Variants in PFKP observed in about 807,000 individuals in gnomAD.
The protein encoded by PFKP is phosphofructokinase, platelet.
In PFKP, 101 loss-of-function variants were observed where a neutral mutation model predicts 94.3. The ratio of observed to expected loss-of-function variants is 1.07; its 90% CI spans 0.91 to 1.26. The LOEUF is 1.26. Among genes scored for constraint, PFKP ranks in the 50% most tolerant of loss-of-function variants. The pLI is 0.00. For missense variants in PFKP, 1,145 were observed against 1,103.3 expected, an observed-to-expected ratio of 1.04 and a Z score of -0.53; for synonymous variants, 573 against 432.6, an observed-to-expected ratio of 1.32 and a Z score of -4.03.
At chr10:3,120,251 CTG>C (rs1265205110) in intron 16 of PFKP, among the ~76,000 whole-genome samples, 2 of 152,160 alleles carry the variant, frequency 1.3e-5, no homozygotes, top group African/African-American at 4.8e-5. Context: ...ACCTCTTCTT[CTG>C]TGTGGCCACC....
At position 3,103,938 on chromosome 10, in the gene PFKP, C is replaced by T; in HGVS notation, c.614C>T (p.Ala205Val). 6.2e-7 allele frequency: 1 copy of T among 1,613,382 alleles called. No homozygotes were observed. The highest frequency in any genetic ancestry group is 1.1e-5 in the South Asian group (1 of 91,074). ...GTCGTCGACGCCATCATGACCACGG[C>T]CCAGAGGTAAAGCGCTCAGAGGAAC... ...IEVVDAIMTTAQSHQRTFVLE... is the reference protein window; with the variant it reads ...IEVVDAIMTTVQSHQRTFVLE... Residue 205 changes from alanine to valine, a missense_variant, in exon 5 of 22, where the codon GCC (alanine) becomes GTC (valine). Ala to Val is a moderately conservative substitution (Grantham distance 64). Around this residue, in one of 3 missense-constraint regions of PFKP, gnomAD observed 1,119 missense variants for 1,062.8 expected, o/e 1.05. Coordinates refer to ENST00000381125, the MANE Select transcript of PFKP (RefSeq NM_002627.5).
intron 1 of PFKP, among the ~76,000 whole-genome samples, chr10:3,078,267 C>A (rs555659057): frequency 7.1e-6 from 1 of 140,708 alleles, no homozygotes; most frequent in Non-Finnish European, 1.6e-5. Flanking sequence ...CGTCTGCCTG[C>A]ATTGCAGGTG....
At chr10:3,133,162 A>G (rs781490879) in intron 18 of PFKP, 41 bp from the exon 19 acceptor site, 6 of 1,457,788 alleles carry the variant, frequency 4.1e-6, no homozygotes, top group East Asian at 2.3e-5. Context: ...CCACGTGCCC[A>G]CTGCACGCTA....
chr10:3,117,897 G>T (rs1180634426), intron 14 of PFKP, among the ~76,000 whole-genome samples: 1 of 152,194 alleles, frequency 6.6e-6, no homozygotes, highest in African/African-American at 2.4e-5. Flanking sequence ...GCATTCACTT[G>T]TCTGCTCTGA....
chr10:3,094,268 T>A (rs1834308541), intron 2 of PFKP, among the ~76,000 whole-genome samples: 1 of 152,198 alleles, frequency 6.6e-6, no homozygotes. Context: ...TTACCGGAAT[T>A]GTGCACTCTT....
chr10:3,120,023 C>G lies in PFKP; in HGVS notation c.1662C>G (p.Thr554=), dbSNP rs12572717. The part of the protein sequence containing the change: ...PGSDFSIGAD[T]ALNTITDTCD... The stretch of plus-strand genomic sequence containing the variant: ...CCGATTTCAGCATCGGGGCAGACAC[C>G]GCCCTGAACACTATCACCGACGTAA... The change falls in exon 16 of 22, where the codon ACC becomes ACG. Residue 554 remains threonine, a synonymous_variant. Transcript: ENST00000381125. The G allele has an allele frequency of 6.2e-7, 1 of 1,614,070 alleles. No homozygotes were observed. The highest frequency in any genetic ancestry group is 8.5e-7 in the Non-Finnish European group (1 of 1,179,988).
At chr10:3,095,907 C>T (rs1290079077) in intron 2 of PFKP, among the ~76,000 whole-genome samples, 1 of 152,168 alleles carries the variant, frequency 6.6e-6, no homozygotes, top group Non-Finnish European at 1.5e-5. Flanking sequence ...CACGCATGCA[C>T]TAGACAGGGA....
At chr10:3,089,582 C>A (rs1833889897) in intron 2 of PFKP, among the ~76,000 whole-genome samples, 1 of 151,728 alleles carries the variant, frequency 6.6e-6, no homozygotes, top group African/African-American at 2.4e-5. Context: ...GAACAATCAT[C>A]TCTTTGTGTT....
chr10:3,116,900 G>A (rs891695452), intron 14 of PFKP, 54 bp downstream of exon 14: 31 of 1,362,032 alleles, frequency 2.3e-5, no homozygotes, highest in Non-Finnish European at 2.8e-5. Context: ...AGGAAGAGCC[G>A]TGTTCTGGGA....
At chr10:3,089,179 C>G (rs568726187) in intron 2 of PFKP, among the ~76,000 whole-genome samples, 55 of 152,248 alleles carry the variant, frequency 3.6e-4, no homozygotes, top group Middle Eastern at 3.4e-3. Flanking sequence ...GTGATCCTGC[C>G]CTCCTGGGCC....
intron 1 of PFKP, among the ~76,000 whole-genome samples, chr10:3,070,641 A>G (rs1832110529): frequency 6.6e-6 from 1 of 152,168 alleles, no homozygotes; most frequent in Non-Finnish European, 1.5e-5. Flanking sequence ...GGGGAGAAAG[A>G]CTCAGAAAGA....
At chr10:3,117,440 C>G (rs1247514502) in intron 14 of PFKP, among the ~76,000 whole-genome samples, 2 of 152,176 alleles carry the variant, frequency 1.3e-5, no homozygotes, top group African/African-American at 4.8e-5. Context: ...TAATCTCTGT[C>G]ATCACTACAC....
At chr10:3,076,017 CAAAAAAAAAA>C (rs59102828) in intron 1 of PFKP, among the ~76,000 whole-genome samples, 1 of 61,852 alleles carries the variant, frequency 1.6e-5, no homozygotes, top group African/African-American at 5.9e-5. Flanking sequence ...GACTCCGTCT[CAAAAAAAAAA>C]AAAAAAAAAA....
chr10:3,131,548 C>T (rs1838591181), intron 17 of PFKP, among the ~76,000 whole-genome samples: 1 of 152,166 alleles, frequency 6.6e-6, no homozygotes, highest in Admixed American at 6.5e-5. Context: ...CTTCCGCCTC[C>T]TGGGTTTAAG....
intron 17 of PFKP, among the ~76,000 whole-genome samples, chr10:3,130,908 C>T (rs1025360480): frequency 1.4e-4 from 21 of 152,096 alleles, no homozygotes; most frequent in African/African-American, 4.8e-4. Context: ...CCAAATAGAT[C>T]AAGTAAAAAG....
At chr10:3,102,434 GAC>G (rs1486112928) in intron 4 of PFKP, among the ~76,000 whole-genome samples, 1 of 113,602 alleles carries the variant, frequency 8.8e-6, no homozygotes, top group Non-Finnish European at 1.9e-5. Flanking sequence ...TTTGTTTTGA[GAC>G]AGAGTCTTTC....
intron 2 of PFKP, among the ~76,000 whole-genome samples, chr10:3,098,627 C>T (rs1229950084): frequency 5.6e-5 from 8 of 142,710 alleles, no homozygotes; most frequent in East Asian, 2.2e-4. Flanking sequence ...GAGCCGAGAT[C>T]GCGCCACTGC....
At chr10:3,124,656 T>TCCTTACAGCCGTGTGCC (rs1242201987) in intron 16 of PFKP, among the ~76,000 whole-genome samples, 1 of 152,128 alleles carries the variant, frequency 6.6e-6, no homozygotes, top group Non-Finnish European at 1.5e-5. Context: ...TTTGGTGTGG[T>TCCTTACAGCCGTGTGCC]CCTTACAGCC....
intron 9 of PFKP, 96 bp from the exon 10 acceptor site, chr10:3,109,259 C>T: frequency 6.5e-7 from 1 of 1,529,512 alleles, no homozygotes; most frequent in Non-Finnish European, 8.9e-7. Flanking sequence ...CTGTGAGCAC[C>T]TGACTGAGGT....
Sources: gnomAD v4.1 joint callset for allele counts (sites outside exome capture counted in the v4.1 genomes callset) on GRCh38, gnomAD v4.1.1 for gene constraint, gnomAD v4.1.1 regional missense constraint, MANE v1.5 for transcripts, NCBI Gene and HGNC (gene_info 2026-07-23, HGNC 2026-07-21) for gene names.